MARCHF8: variants seen among roughly 807,000 people sequenced by gnomAD.
MARCHF8 encodes membrane associated ring-CH-type finger 8.
Under a neutral mutation model 51.6 loss-of-function variants are expected in MARCHF8, and 40 were observed. That is an observed-to-expected ratio of 0.77 (90% CI 0.60 to 1.01). MARCHF8 has a LOEUF of 1.01. MARCHF8 is among the 50% of genes least tolerant of loss of function. The pLI, the probability that MARCHF8 is intolerant of heterozygous loss-of-function variation, is 0.00. For missense variants in MARCHF8, 685 were observed against 708.6 expected (o/e 0.97, Z 0.38); for synonymous variants, 263 against 280.3 (o/e 0.94, Z 0.62).
At chr10:45,501,152 T>C (rs927728408) in intron 2 of MARCHF8, among the ~76,000 whole-genome samples, 1 of 151,880 alleles carries the variant, frequency 6.6e-6, no homozygotes, top group African/African-American at 2.4e-5. Flanking sequence ...AGTTTTTTTT[T>C]TAGATATAGA....
intron 1 of MARCHF8, among the ~76,000 whole-genome samples, chr10:45,534,030 A>C (rs902974933): frequency 6.6e-5 from 10 of 152,148 alleles, no homozygotes; most frequent in African/African-American, 2.4e-4. Flanking sequence ...AAAAATACAA[A>C]AAATTAGCCA....
chr10:45,551,928 A>C (rs1439402870), intron 1 of MARCHF8, among the ~76,000 whole-genome samples: 1 of 152,136 alleles, frequency 6.6e-6, no homozygotes, highest in Non-Finnish European at 1.5e-5. Context: ...TATATCACAT[A>C]GTTTAGATCA....
chr10:45,530,375 T>A (rs1258496624), intron 2 of MARCHF8, among the ~76,000 whole-genome samples: 1 of 152,158 alleles, frequency 6.6e-6, no homozygotes, highest in African/African-American at 2.4e-5. Flanking sequence ...TTGTACTAAA[T>A]CTATAAATAA....
intron 2 of MARCHF8, among the ~76,000 whole-genome samples, chr10:45,512,666 C>T (rs1333202986): frequency 1.3e-5 from 2 of 151,856 alleles, no homozygotes; most frequent in Non-Finnish European, 1.5e-5. Context: ...TCTGCCCGGC[C>T]GTCCCTACTG....
intron 3 of MARCHF8, among the ~76,000 whole-genome samples, chr10:45,478,869 A>G (rs977612279): frequency 6.6e-6 from 1 of 152,064 alleles, no homozygotes. Context: ...AGTAATAAAA[A>G]GTCTCCTAAC....
chr10:45,542,854 A>G (rs1397209997), intron 1 of MARCHF8, among the ~76,000 whole-genome samples: 1 of 152,204 alleles, frequency 6.6e-6, no homozygotes, highest in Admixed American at 6.5e-5. Context: ...TTATTCCTGG[A>G]TCATTATTTA....
intron 1 of MARCHF8, among the ~76,000 whole-genome samples, chr10:45,563,022 CCT>C (rs2044327900): frequency 6.6e-6 from 1 of 150,740 alleles, no homozygotes; most frequent in Non-Finnish European, 1.5e-5. Flanking sequence ...TCCCTCCCTT[CCT>C]CTCTCCTTCC....
chr10:45,514,331 A>T (rs1318406913), intron 2 of MARCHF8, among the ~76,000 whole-genome samples: 1 of 152,238 alleles, frequency 6.6e-6, no homozygotes, highest in Non-Finnish European at 1.5e-5. Flanking sequence ...CACGTCTCCT[A>T]CCTGAAGCTT....
rs1310123938 is a variant in MARCHF8 at position 45,512,853 on chromosome 10, G to C, written c.102+20257C>G. Among the ~76,000 whole-genome samples, 3 of 151,950 alleles carry C rather than the reference G, an allele frequency of 2.0e-5. No homozygotes were observed. The South Asian group carries it at 6.2e-4, about 32-fold the overall frequency. On this transcript the variant is annotated intron_variant, in intron 2 of 7. Coordinates refer to ENST00000453424, the MANE Select transcript of MARCHF8 (RefSeq NM_001282866.2). ...GTCTGTGTAGAAAGAAGTAGACATG[G>C]GAGACTTTTCATTTTGTTCTGTACC...
At chr10:45,511,317 T>C (rs2043496902) in intron 2 of MARCHF8, among the ~76,000 whole-genome samples, 2 of 152,162 alleles carry the variant, frequency 1.3e-5, no homozygotes, top group Admixed American at 1.3e-4. Context: ...AAATAATCTA[T>C]GTCAATATAA....
chr10:45,479,049 T>A (rs1245192158), intron 3 of MARCHF8, among the ~76,000 whole-genome samples: 1 of 151,980 alleles, frequency 6.6e-6, no homozygotes, highest in East Asian at 1.9e-4. Context: ...CAACAAAAAA[T>A]AAAACTACAG....
intron 2 of MARCHF8, among the ~76,000 whole-genome samples, chr10:45,523,480 T>C (rs2043742498): frequency 6.6e-6 from 1 of 152,186 alleles, no homozygotes; most frequent in South Asian, 2.1e-4. Context: ...GCTATGATCA[T>C]GCCACTGCAC....
rs982298233 is a variant in MARCHF8 at position 45,461,419 on chromosome 10, G to A, written c.1089-8C>T. On this transcript the variant is annotated splice_region_variant and splice_polypyrimidine_tract_variant and intron_variant, in intron 5 of 7. Transcript: ENST00000453424. ...CCTTCACAGTGGCAGATCCTATGGT[G>A]GAAGGAAAACCTGTCATTCCAAGGA... 2.0e-6 allele frequency: 3 copies of A among 1,534,792 alleles called. No individual in the cohort carries two copies. Among genetic ancestry groups the A allele is most frequent in the Non-Finnish European group, 2.6e-6 (3 of 1,141,396 alleles).
In MARCHF8 at chr10:45,461,361, TG is replaced by T. The variant is rs1456433645; in HGVS notation, c.1138del (p.His380ThrfsTer39). 4.4e-6 allele frequency: 7 copies of T among 1,600,942 alleles called. No individual in the cohort carries two copies. The highest frequency in any genetic ancestry group is 6.0e-6 in the Non-Finnish European group (7 of 1,174,678). On this transcript the variant is annotated frameshift_variant, in exon 6 of 8. Transcript: ENST00000453424. LOFTEE classifies it high-confidence loss of function. ...CACGAAGTGGAGGCTTCCTGTGCAGTGGCAGGGGGTGATCAGGGGGCTCTCA... is the reference window on the plus strand; with the variant it reads ...CACGAAGTGGAGGCTTCCTGTGCAGTGCAGGGGGTGATCAGGGGGCTCTCA... The part of the protein sequence containing the change: ...DDESPLITPC[H>X]CTGSLHFVHQ...
At chr10:45,530,066 G>A (rs1206379524) in intron 2 of MARCHF8, among the ~76,000 whole-genome samples, 1 of 152,150 alleles carries the variant, frequency 6.6e-6, no homozygotes, top group Non-Finnish European at 1.5e-5. Flanking sequence ...ATTGGATAAA[G>A]TAATCCACAT....
At chr10:45,563,717 A>G (rs2044335200) in intron 1 of MARCHF8, among the ~76,000 whole-genome samples, 1 of 152,252 alleles carries the variant, frequency 6.6e-6, no homozygotes, top group Admixed American at 6.5e-5. Context: ...ATGTAAATGA[A>G]TTAAACTTGC....
chr10:45,520,166 G>C (rs181640190), intron 2 of MARCHF8, among the ~76,000 whole-genome samples: 1 of 152,340 alleles, frequency 6.6e-6, no homozygotes, highest in East Asian at 1.9e-4. Context: ...AAGGGTTGCT[G>C]TAAGGATTCA....
intron 2 of MARCHF8, among the ~76,000 whole-genome samples, chr10:45,528,521 G>C (rs529141934): frequency 6.6e-6 from 1 of 152,084 alleles, no homozygotes; most frequent in Admixed American, 6.6e-5. Context: ...GCACAGTGGC[G>C]CAGTCATAGC....
upstream of MARCHF8, among the ~76,000 whole-genome samples, chr10:45,539,748 G>C (rs2044024739): frequency 1.3e-5 from 2 of 152,086 alleles, no homozygotes; most frequent in Admixed American, 1.3e-4. Flanking sequence ...ATTAGGAAAA[G>C]AGGAAGTCAA....
Sources: allele counts gnomAD v4.1 joint callset (sites outside exome capture counted in the v4.1 genomes callset), GRCh38; gene constraint gnomAD v4.1.1; transcripts MANE v1.5; gene names NCBI Gene and HGNC (gene_info 2026-07-23, HGNC 2026-07-21).